Variants in NCOA1 observed in about 807,000 individuals in gnomAD.
NCOA1 encodes Hin-2 protein.
Under a neutral mutation model 150.9 loss-of-function variants are expected in NCOA1, and 35 were observed. The observed-to-expected ratio is 0.23, with a 90% CI of 0.18 to 0.31. The LOEUF (loss-of-function observed/expected upper bound fraction) is 0.31, where lower values mean the gene tolerates loss of function less well. NCOA1 is among the 10% of genes least tolerant of loss of function. NCOA1 has a pLI of 1.00. For missense variants in NCOA1, 1,491 were observed against 1,749.3 expected (o/e 0.85, Z 2.63); for synonymous variants, 590 against 630.0 (o/e 0.94, Z 0.95).
intron 20 of NCOA1, 107 bp from the exon 21 acceptor site, chr2:24,757,866 A>ACAGT (rs1336319145): frequency 1.0e-6 from 1 of 976,580 alleles, no homozygotes; most frequent in African/African-American, 1.7e-5. Flanking sequence ...TTACAGTCAT[A>ACAGT]CATGCAATTT....
At chr2:24,750,983 C>CTTTTTG in intron 19 of NCOA1, among the ~76,000 whole-genome samples, 1 of 149,818 alleles carries the variant, frequency 6.7e-6, no homozygotes, top group East Asian at 2.1e-4. Context: ...TCATACATGG[C>CTTTTTG]TTTTTCTTTT....
At chr2:24,758,874 G>A (rs768126017) in intron 21 of NCOA1, among the ~76,000 whole-genome samples, 4 of 151,764 alleles carry the variant, frequency 2.6e-5, no homozygotes, top group African/African-American at 4.8e-5. Context: ...TGTAATCCCA[G>A]CTCCTTGGGA....
intron 1 of NCOA1, among the ~76,000 whole-genome samples, chr2:24,503,399 A>C (rs962042778): frequency 6.6e-6 from 1 of 152,208 alleles, no homozygotes; most frequent in Non-Finnish European, 1.5e-5. Context: ...TGGGAACACT[A>C]ATTCCTCATG....
At chr2:24,529,807 A>C (rs17046383) in intron 1 of NCOA1, among the ~76,000 whole-genome samples, 6,187 of 152,322 alleles carry the variant, frequency 0.041, 146 homozygotes, top group East Asian at 0.11. Flanking sequence ...GTTATGCTAT[A>C]AAAACTCATG....
chr2:24,617,311 C>T (rs916054936), intron 3 of NCOA1, among the ~76,000 whole-genome samples: 10 of 152,222 alleles, frequency 6.6e-5, no homozygotes, highest in Non-Finnish European at 1.3e-4. Context: ...TTGGCAGGTA[C>T]AAAAATCCTT....
intron 2 of NCOA1, among the ~76,000 whole-genome samples, chr2:24,570,990 A>G (rs2148280433): frequency 6.6e-6 from 1 of 152,340 alleles, no homozygotes; most frequent in South Asian, 2.1e-4. Context: ...GATATTTGAT[A>G]TTAAAGAATT....
chr2:24,660,106 T>C lies in NCOA1; in HGVS notation c.89+1340T>C, dbSNP rs141522457. Among the ~76,000 whole-genome samples, 1,139 of 152,264 alleles carry C rather than the reference T, an allele frequency of 7.5e-3. 14 individuals are homozygous for C. The highest frequency in any genetic ancestry group is 0.026 in the African/African-American group (1,067 of 41,546). ...AGAGAGACAATAACCTGAGTACTCA[T>C]AATCACAAGTAAGTGTCCAGATGCT... On this transcript the variant is annotated intron_variant, in intron 5 of 22. Coordinates refer to ENST00000348332, the MANE Select transcript of NCOA1 (RefSeq NM_003743.5).
intron 3 of NCOA1, among the ~76,000 whole-genome samples, chr2:24,626,845 T>C (rs1669435920): frequency 6.6e-6 from 1 of 152,184 alleles, no homozygotes; most frequent in Admixed American, 6.5e-5. Context: ...TATTCTAAAG[T>C]ATCTCTCCTA....
intron 3 of NCOA1, among the ~76,000 whole-genome samples, chr2:24,640,512 T>A (rs539134335): frequency 6.6e-6 from 1 of 152,184 alleles, no homozygotes; most frequent in Non-Finnish European, 1.5e-5. Context: ...ATTATTTGCA[T>A]AACTTATGAT....
chr2:24,678,266 A>T (rs1672010331), intron 7 of NCOA1, among the ~76,000 whole-genome samples: 1 of 152,000 alleles, frequency 6.6e-6, no homozygotes, highest in Non-Finnish European at 1.5e-5. Context: ...TATGTACCAC[A>T]TTTTCTTTAT....
intron 1 of NCOA1, among the ~76,000 whole-genome samples, chr2:24,559,374 G>A (rs1572418717): frequency 6.6e-6 from 1 of 152,086 alleles, no homozygotes; most frequent in Non-Finnish European, 1.5e-5. Flanking sequence ...ATGGCATGTC[G>A]CTCTACAAGA....
rs913504786 is a variant in NCOA1 at position 24,693,408 on chromosome 2, A to G, written c.808+61A>G. On this transcript the variant is annotated intron_variant, in intron 10 of 22. Transcript: ENST00000348332. ...TTAATAATGTGACTCTGCCCTTAAA[A>G]CTAATTATATCCAGAATGTCTTTCT... is the stretch of plus-strand genomic sequence containing the variant. 115 of 1,347,554 alleles carry G rather than the reference A, an allele frequency of 8.5e-5. No homozygotes were observed. The African/African-American group carries it at 1.6e-3, about 19-fold the overall frequency. 83.5% of individuals were successfully genotyped at this position (1,347,554 alleles called of 1,614,324 possible).
chr2:24,662,964 C>CTT (rs372780851), intron 5 of NCOA1, among the ~76,000 whole-genome samples: 173 of 144,710 alleles, frequency 1.2e-3, no homozygotes, highest in African/African-American at 1.5e-3. Flanking sequence ...ATTTTTTTTT[C>CTT]TTTTTTTTTT....
At chr2:24,694,769 A>G (rs2148567011) in intron 10 of NCOA1, among the ~76,000 whole-genome samples, 1 of 152,222 alleles carries the variant, frequency 6.6e-6, no homozygotes, top group East Asian at 1.9e-4. Flanking sequence ...AATTTAATAA[A>G]CGTACTATGG....
intron 17 of NCOA1, among the ~76,000 whole-genome samples, chr2:24,730,747 C>T (rs531905087): frequency 3.3e-5 from 5 of 151,748 alleles, no homozygotes; most frequent in African/African-American, 7.2e-5. Flanking sequence ...TGCTGTGGGC[C>T]GGGCGTGGTG....
rs777750467 is a variant in NCOA1 at position 24,757,959 on chromosome 2, T to G, written c.3882-14T>G. 5 of 1,612,278 alleles carry G rather than the reference T, an allele frequency of 3.1e-6. No individual in the cohort carries two copies. The highest frequency in any genetic ancestry group is 1.7e-4 in the Middle Eastern group (1 of 6,060). On this transcript the variant is annotated splice_polypyrimidine_tract_variant and intron_variant, in intron 20 of 22. Transcript: ENST00000348332. ...GATCAGTGGATGTAATCTGGATTGT[T>G]TTTGAGTTTACAGTGTGTTCAGTCA...
At chr2:24,741,170 T>C (rs1291922238) in intron 18 of NCOA1, among the ~76,000 whole-genome samples, 1 of 152,304 alleles carries the variant, frequency 6.6e-6, no homozygotes, top group African/African-American at 2.4e-5. Context: ...TTTTTCTAAT[T>C]GTAAAGGTAG....
At chr2:24,702,474 C>G (rs2148584908) in intron 11 of NCOA1, among the ~76,000 whole-genome samples, 1 of 152,272 alleles carries the variant, frequency 6.6e-6, no homozygotes, top group East Asian at 1.9e-4. Context: ...TTGAGGTTAT[C>G]TCAGCACCAA....
intron 1 of NCOA1, among the ~76,000 whole-genome samples, chr2:24,549,791 C>T (rs558449844): frequency 4.6e-5 from 7 of 152,262 alleles, no homozygotes; most frequent in Non-Finnish European, 7.4e-5. Flanking sequence ...AGGATGGTCT[C>T]GATCTCCTGA....
Sources: allele counts gnomAD v4.1 joint callset (sites outside exome capture counted in the v4.1 genomes callset), GRCh38; gene constraint gnomAD v4.1.1; transcripts MANE v1.5; gene names NCBI Gene and HGNC (gene_info 2026-07-23, HGNC 2026-07-21).